USP24: variants seen among roughly 807,000 people sequenced by gnomAD.
USP24 encodes the protein ubiquitin specific peptidase 24.
USP24 carries 97 observed loss-of-function variants against 361.6 expected under a neutral mutation model. The observed-to-expected ratio is 0.27, with a 90% CI of 0.23 to 0.32. The LOEUF (loss-of-function observed/expected upper bound fraction) is 0.32, where lower values mean the gene tolerates loss of function less well. Ranked by LOEUF, USP24 falls within the 10% of genes least tolerant of loss-of-function variation. The probability of loss-of-function intolerance (pLI) is 1.00; values close to 1 mark genes in which losing one functional copy is unlikely to be tolerated. For missense variants in USP24, 2,353 were observed against 3,165.6 expected (o/e 0.74, Z 6.16); for synonymous variants, 1,098 against 1,124.6 (o/e 0.98, Z 0.47).
chr1:55,093,837 A>G (rs746568463), intron 52 of USP24, 100 bp downstream of exon 52: 20 of 1,494,044 alleles, frequency 1.3e-5, no homozygotes, highest in Non-Finnish European at 1.8e-5. Context: ...ATGTAGCCCC[A>G]GTGGTACAAC....
chr1:55,083,415 T>C lies in USP24; in HGVS notation c.6883-51A>G, dbSNP rs17111591. The C allele has an allele frequency of 7.7e-3, 12,185 of 1,587,608 alleles. 728 individuals carry two copies. In the African/African-American group the frequency reaches 0.14, roughly 18 times the overall value. ...AATTATATTTCTATCCAGACAAAAA[T>C]TGGTTTTAAAAACACAGCTAAATGG... On this transcript the variant is annotated intron_variant, in intron 57 of 67. Transcript: ENST00000294383.
At chr1:55,162,123 T>C in intron 8 of USP24, 76 bp downstream of exon 8, 3 of 1,377,066 alleles carry the variant, frequency 2.2e-6, no homozygotes, top group Non-Finnish European at 3.0e-6. Flanking sequence ...CCACTCTGAA[T>C]AACCTGATAA....
At chr1:55,126,901 T>G (rs1217143863) in intron 32 of USP24, among the ~76,000 whole-genome samples, 1 of 152,200 alleles carries the variant, frequency 6.6e-6, no homozygotes, top group Non-Finnish European at 1.5e-5. Context: ...TGCCTACTTC[T>G]TTCTAGAGAA....
chr1:55,075,883 C>T (rs973165941), intron 62 of USP24, among the ~76,000 whole-genome samples: 9 of 152,016 alleles, frequency 5.9e-5, no homozygotes, highest in African/African-American at 2.2e-4. Flanking sequence ...GCAAAAGGAT[C>T]ATTTGTGCCT....
intron 39 of USP24, 119 bp downstream of exon 39, chr1:55,110,066 C>A: frequency 1.2e-6 from 1 of 831,450 alleles, no homozygotes; most frequent in East Asian, 3.0e-5. Context: ...GGTTCAACTT[C>A]AAACAATTGT....
chr1:55,151,870 T>C, intron 16 of USP24: 3 of 982,742 alleles, frequency 3.1e-6, no homozygotes, highest in Non-Finnish European at 3.6e-6. Context: ...TAGAGGTAGC[T>C]GAGGGTGGGA....
chr1:55,162,064 T>C (rs969192540), intron 8 of USP24, 135 bp downstream of exon 8: 2 of 732,512 alleles, frequency 2.7e-6, no homozygotes, highest in African/African-American at 3.8e-5. Flanking sequence ...ATGGCATTTT[T>C]ATTAAAAGGA....
chr1:55,081,353 C>T lies in USP24; in HGVS notation c.7047G>A (p.Leu2349=), dbSNP rs544153254. Residue 2349 remains leucine (L), a synonymous_variant, in exon 59 of 68, where the codon TTG becomes TTA. Coordinates refer to ENST00000294383, the MANE Select transcript of USP24 (RefSeq NM_015306.3). ...NLHNTVALLV[L]HSDVSSQRNV... is the part of the protein sequence containing the mutation. The stretch of plus-strand genomic sequence containing the variant: ...TCCTTTGGGATGAGACATCTGAATG[C>T]AAAACAAGTAACGCCACTGTATTGT... 1.6e-4 allele frequency: 256 copies of T among 1,613,580 alleles called. 1 individual carries two copies. In the South Asian group the frequency reaches 2.7e-3, roughly 17 times the overall value.
At chr1:55,079,961 C>A (rs553368299) in intron 59 of USP24, among the ~76,000 whole-genome samples, 1 of 152,152 alleles carries the variant, frequency 6.6e-6, no homozygotes, top group African/African-American at 2.4e-5. Flanking sequence ...AGTACTCACA[C>A]AGCGGATCCC....
At chr1:55,086,177 G>A in intron 55 of USP24, 139 bp from the exon 56 acceptor site, 1 of 715,192 alleles carries the variant, frequency 1.4e-6, no homozygotes, top group Non-Finnish European at 2.4e-6. Context: ...GCCAAGTGGA[G>A]CTTTCCAAGG....
chr1:55,151,431 A>G (rs550597978), intron 16 of USP24, among the ~76,000 whole-genome samples: 2 of 152,282 alleles, frequency 1.3e-5, no homozygotes, highest in Non-Finnish European at 2.9e-5. Flanking sequence ...CAACTCAGCT[A>G]TGGCTATGTA....
intron 34 of USP24, 109 bp from the exon 35 acceptor site, chr1:55,124,737 G>C: frequency 3.2e-6 from 4 of 1,234,328 alleles, no homozygotes; most frequent in Non-Finnish European, 3.4e-6. Flanking sequence ...TCCCTCCAAG[G>C]TCATCCAGAA....
At chr1:55,090,853 G>A (rs1299042875) in intron 54 of USP24, among the ~76,000 whole-genome samples, 1 of 152,240 alleles carries the variant, frequency 6.6e-6, no homozygotes, top group African/African-American at 2.4e-5. Context: ...GGGAGGCCAA[G>A]GAAGGCGAAT....
At position 55,123,441 on chromosome 1, in the gene USP24, G is replaced by C; in HGVS notation, c.4276+6C>G. 1 of 1,580,326 alleles carries C rather than the reference G, an allele frequency of 6.3e-7. No homozygotes were observed. Among genetic ancestry groups the C allele is most frequent in the Non-Finnish European group, 8.6e-7 (1 of 1,162,862 alleles). ...GAGATTAATCACAAACAAGCCTCCA[G>C]CATACCCAGTTGCTGGCTCCGAAGC... On this transcript the variant is annotated splice_donor_region_variant and intron_variant, in intron 36 of 67. Coordinates refer to ENST00000294383, the MANE Select transcript of USP24 (RefSeq NM_015306.3).
chr1:55,203,840 C>T (rs1644638071), intron 1 of USP24, among the ~76,000 whole-genome samples: 1 of 152,212 alleles, frequency 6.6e-6, no homozygotes, highest in African/African-American at 2.4e-5. Flanking sequence ...TTTTGGCTGA[C>T]ATAATTCAAC....
chr1:55,195,024 A>G (rs1557696177), intron 1 of USP24, among the ~76,000 whole-genome samples: 1 of 152,048 alleles, frequency 6.6e-6, no homozygotes, highest in East Asian at 1.9e-4. Context: ...AACAAAACAA[A>G]ACAAAACAAA....
At chr1:55,137,403 A>C (rs1476210288) in intron 28 of USP24, 112 bp downstream of exon 28, 3 of 1,282,860 alleles carry the variant, frequency 2.3e-6, no homozygotes, top group African/African-American at 3.0e-5. Flanking sequence ...ATAACACAAC[A>C]AGCTTGAACA....
intron 46 of USP24, 90 bp from the exon 47 acceptor site, chr1:55,098,174 C>T (rs1372615291): frequency 2.2e-6 from 3 of 1,371,104 alleles, no homozygotes; most frequent in Non-Finnish European, 2.9e-6. Context: ...CACAGAACTA[C>T]ATTTTTAATC....
At position 55,103,798 on chromosome 1, in the gene USP24, T is replaced by C. The variant is rs1460055520; in HGVS notation, c.5025+78A>G. 1.1e-5 allele frequency: 16 copies of C among 1,467,562 alleles called. No individual in the cohort carries two copies. The East Asian group carries it at 3.3e-4, about 31-fold the overall frequency. 90.9% of individuals were successfully genotyped at this position (1,467,562 alleles called of 1,614,324 possible). A position where few individuals can be genotyped will look rare whatever the true frequency, so the allele number is the denominator to read the frequency against. ...CTGACTTTCTTTGTGGTCAGCAGAATGCAAATACAGTCTTAAAATTATATG... is the reference window on the plus strand; with the variant it reads ...CTGACTTTCTTTGTGGTCAGCAGAACGCAAATACAGTCTTAAAATTATATG... On this transcript the variant is annotated intron_variant, in intron 42 of 67. Transcript: ENST00000294383.
Sources: allele counts gnomAD v4.1 joint callset (sites outside exome capture counted in the v4.1 genomes callset), GRCh38; gene constraint gnomAD v4.1.1; transcripts MANE v1.5; gene names NCBI Gene and HGNC (gene_info 2026-07-23, HGNC 2026-07-21).